The following SMIM8 variants were observed in gnomAD, a reference collection of about 807,000 sequenced individuals.
The protein encoded by SMIM8 is small integral membrane protein 8.
A neutral mutation model predicts 8.1 loss-of-function variants in SMIM8; 8 were observed. The ratio of observed to expected loss-of-function variants is 0.99; its 90% CI spans 0.58 to 1.78. The LOEUF is 1.78. SMIM8 is among the 40% of genes most tolerant of loss of function. SMIM8 has a pLI of 0.00. For synonymous variants in SMIM8, 45 were observed against 39.7 expected, an observed-to-expected ratio of 1.13 and a Z score of -0.50; for missense variants, 126 against 119.8, an observed-to-expected ratio of 1.05 and a Z score of -0.24.
intron 1 of SMIM8, among the ~76,000 whole-genome samples, chr6:87,326,127 T>A (rs1776814871): frequency 6.6e-6 from 1 of 152,228 alleles, no homozygotes; most frequent in East Asian, 1.9e-4. Flanking sequence ...TTTTATCATT[T>A]TTTATTGCGT....
intron 3 of SMIM8, among the ~76,000 whole-genome samples, chr6:87,339,329 TG>T (rs1777171964): frequency 6.1e-5 from 1 of 16,490 alleles, no homozygotes. Flanking sequence ...ACACAGCGTG[TG>T]TGTGTGTGTG....
intron 1 of SMIM8, among the ~76,000 whole-genome samples, chr6:87,325,726 T>C (rs1432494553): frequency 2.6e-5 from 4 of 152,124 alleles, no homozygotes; most frequent in Non-Finnish European, 5.9e-5. Context: ...TCTAAAATTC[T>C]CTTTTTTGGT....
At position 87,328,723 on chromosome 6, in the gene SMIM8, C is replaced by T. The variant is rs1156658307; in HGVS notation, c.-44-1969C>T. ...TCTTTTTGTTTGTCTGTGCCCTGCC[C>T]CCAGAGGTGGAGCCTACAGAGGCAG... On this transcript the variant is annotated intron_variant, in intron 1 of 3. Transcript: ENST00000392863. Among the ~76,000 whole-genome samples, 3 of 152,168 alleles carry T rather than the reference C, an allele frequency of 2.0e-5. No individual in the cohort carries two copies. In the South Asian group the frequency reaches 6.2e-4, roughly 31 times the overall value.
At chr6:87,327,302 C>T (rs1776851058) in intron 1 of SMIM8, among the ~76,000 whole-genome samples, 1 of 150,586 alleles carries the variant, frequency 6.6e-6, no homozygotes, top group African/African-American at 2.5e-5. Flanking sequence ...GAATTTGATC[C>T]TGTCATTATG....
rs530550731 is a variant in SMIM8, at chr6:87,330,715, A to G, written c.-24+3A>G. 1 of 152,374 alleles carries G rather than the reference A, an allele frequency of 6.6e-6. No homozygotes were observed. Among genetic ancestry groups the G allele is most frequent in the African/African-American group, 2.4e-5 (1 of 41,592 alleles). 9.4% of individuals were successfully genotyped at this position (152,374 alleles called of 1,614,324 possible). On this transcript the variant is annotated splice_donor_region_variant and intron_variant, in intron 2 of 3. Coordinates refer to ENST00000392863, the MANE Select transcript of SMIM8 (RefSeq NM_001042493.3). The stretch of plus-strand genomic sequence containing the variant: ...AGGAGGATGGACAGAAGAAAAAGGT[A>G]AAGAACATTTTACCAGAGAGAAACA...
chr6:87,326,550 G>A (rs1205890927), intron 1 of SMIM8, among the ~76,000 whole-genome samples: 1 of 150,964 alleles, frequency 6.6e-6, no homozygotes, highest in Admixed American at 6.6e-5. Flanking sequence ...GGAGCAGGTT[G>A]TTCAGTTTCC....
At chr6:87,335,574 A>G (rs1008052088) in intron 2 of SMIM8, among the ~76,000 whole-genome samples, 5 of 152,202 alleles carry the variant, frequency 3.3e-5, no homozygotes, top group African/African-American at 1.2e-4. Context: ...TAAATGATAT[A>G]GATGAACATT....
intron 2 of SMIM8, among the ~76,000 whole-genome samples, chr6:87,333,508 C>T (rs943590034): frequency 6.6e-6 from 1 of 152,160 alleles, no homozygotes; most frequent in Admixed American, 6.5e-5. Context: ...ATTCTAAATA[C>T]CTTTATAAAC....
At chr6:87,333,387 CAA>C (rs949467606) in intron 2 of SMIM8, among the ~76,000 whole-genome samples, 1 of 152,164 alleles carries the variant, frequency 6.6e-6, no homozygotes, top group Non-Finnish European at 1.5e-5. Context: ...GTTTGGGAGA[CAA>C]ATACCCAAAC....
chr6:87,339,875 C>T (rs925476012), intron 3 of SMIM8, among the ~76,000 whole-genome samples: 2 of 152,108 alleles, frequency 1.3e-5, no homozygotes, highest in Admixed American at 6.6e-5. Flanking sequence ...CTGAGATGTC[C>T]AGGGTGTAGA....
intron 1 of SMIM8, 170 bp downstream of exon 1, chr6:87,322,802 C>T (rs1002714426): frequency 6.6e-6 from 1 of 152,180 alleles, no homozygotes; most frequent in Non-Finnish European, 1.5e-5. Context: ...CCGTGGACTC[C>T]CTGTACCCGC....
chr6:87,338,285 T>C (rs1335398082), intron 3 of SMIM8, among the ~76,000 whole-genome samples: 1 of 152,128 alleles, frequency 6.6e-6, no homozygotes, highest in Non-Finnish European at 1.5e-5. Flanking sequence ...CAAATTAATA[T>C]AGGTAGGGAG....
At chr6:87,339,332 G>A (rs1777172041) in intron 3 of SMIM8, among the ~76,000 whole-genome samples, 1 of 29,686 alleles carries the variant, frequency 3.4e-5, no homozygotes, top group Admixed American at 2.0e-4. Flanking sequence ...CAGCGTGTGT[G>A]TGTGTGTGTG....
rs1777204310 is a variant in SMIM8, at chr6:87,340,494, T to C, written c.*220T>C. The C allele has an allele frequency of 3.0e-6, 1 of 329,974 alleles. No individual in the cohort carries two copies. The highest frequency in any genetic ancestry group is 5.4e-6 in the Non-Finnish European group (1 of 186,848). The allele number at this position is 329,974 out of a possible 1,614,324, so 20.4% of individuals were successfully genotyped here. A position where few individuals can be genotyped will look rare whatever the true frequency, so the allele number is the denominator to read the frequency against. On this transcript the variant is annotated 3_prime_UTR_variant, in exon 4 of 4. Coordinates refer to ENST00000392863, the MANE Select transcript of SMIM8 (RefSeq NM_001042493.3). The stretch of plus-strand genomic sequence containing the variant: ...GAGTGAGCGTCATAATATTTTTCTT[T>C]CCTTACCTCTTATAAAAGTGCCATG...
intron 3 of SMIM8, among the ~76,000 whole-genome samples, chr6:87,339,323 AGCGTGTGT>A (rs1340825108): frequency 2.5e-5 from 3 of 118,334 alleles, no homozygotes; most frequent in African/African-American, 9.8e-5. Context: ...AACAAAACAC[AGCGTGTGT>A]GTGTGTGTGT....
intron 1 of SMIM8, among the ~76,000 whole-genome samples, chr6:87,328,380 G>GT (rs1776892648): frequency 6.6e-6 from 1 of 152,024 alleles, no homozygotes; most frequent in South Asian, 2.1e-4. Flanking sequence ...CATCTTTGTG[G>GT]TTTTATCTAC....
intron 3 of SMIM8, among the ~76,000 whole-genome samples, chr6:87,337,460 A>T (rs1218184140): frequency 6.6e-6 from 1 of 152,190 alleles, no homozygotes; most frequent in Admixed American, 6.5e-5. Context: ...TAATTTGAAG[A>T]CAACTTTTGT....
In SMIM8 at chr6:87,340,542, A is replaced by C. The variant is rs1777205594; in HGVS notation, c.*268A>C. 1 of 225,998 alleles carries C rather than the reference A, an allele frequency of 4.4e-6. No homozygotes were observed. The highest frequency in any genetic ancestry group is 5.7e-5 in the Admixed American group (1 of 17,564). The allele number at this position is 225,998 out of a possible 1,614,324, so 14.0% of individuals were successfully genotyped here. A position where few individuals can be genotyped will look rare whatever the true frequency, so the allele number is the denominator to read the frequency against. ...ATGAGAATGGAAGTTGTTTTTGTTA[A>C]TTATTAAATTCTGTATAATAAAAGT... On this transcript the variant is annotated 3_prime_UTR_variant, in exon 4 of 4. Coordinates refer to ENST00000392863, the MANE Select transcript of SMIM8 (RefSeq NM_001042493.3).
At chr6:87,338,908 T>G (rs1284333729) in intron 3 of SMIM8, among the ~76,000 whole-genome samples, 1 of 138,344 alleles carries the variant, frequency 7.2e-6, no homozygotes, top group South Asian at 2.2e-4. Context: ...TTTAAAAGCT[T>G]TTTTTTTTTT....
Sources: allele counts gnomAD v4.1 joint callset (sites outside exome capture counted in the v4.1 genomes callset), GRCh38; gene constraint gnomAD v4.1.1; transcripts MANE v1.5; gene names NCBI Gene and HGNC (gene_info 2026-07-23, HGNC 2026-07-21).